SHTN1: variants seen among roughly 807,000 people sequenced by gnomAD.
SHTN1 encodes shootin 1.
A neutral mutation model predicts 83.1 loss-of-function variants in SHTN1; 42 were observed. The observed-to-expected ratio is 0.51, with a 90% CI of 0.39 to 0.65. The LOEUF (loss-of-function observed/expected upper bound fraction) is 0.65. SHTN1 is among the 30% of genes least tolerant of loss of function. The pLI is 0.00. For synonymous variants in SHTN1, 224 were observed against 247.7 expected, an observed-to-expected ratio of 0.90 and a Z score of 0.90; for missense variants, 622 against 737.8, an observed-to-expected ratio of 0.84 and a Z score of 1.82.
intron 1 of SHTN1, among the ~76,000 whole-genome samples, chr10:116,982,039 C>A (rs1448967106): frequency 1.3e-5 from 2 of 152,202 alleles, no homozygotes; most frequent in Non-Finnish European, 1.5e-5. Flanking sequence ...GCCTGGGCAA[C>A]AGAGCAAGAC....
intron 1 of SHTN1, among the ~76,000 whole-genome samples, chr10:116,984,163 T>A (rs879403562): frequency 2.1e-4 from 32 of 152,018 alleles, no homozygotes; most frequent in Non-Finnish European, 1.0e-4. Context: ...GGCTAATCAC[T>A]CTACCTCTAG....
chr10:116,882,445 C>CG lies in SHTN1; in HGVS notation c.*3898_*3899insC, dbSNP rs397809676. On this transcript the variant is annotated 3_prime_UTR_variant, in exon 17 of 17. Transcript: ENST00000355371. ...TGTGACATATCCATTGCCTGAATTG[C>CG]TCTTTTGTAAGCCAGTGTTGGGATT... The CG allele has an allele frequency of 7.9e-3, 1 of 126 alleles. No individual in the cohort carries two copies. Among genetic ancestry groups the CG allele is most frequent in the Non-Finnish European group, 0.013 (1 of 78 alleles). The allele number at this position is 126 out of a possible 1,614,324, so 0.0% of individuals were successfully genotyped here.
chr10:117,077,011 T>C (rs762348473), intron 1 of SHTN1, among the ~76,000 whole-genome samples: 8 of 152,318 alleles, frequency 5.3e-5, no homozygotes, highest in African/African-American at 1.9e-4. Context: ...TTCACTGGTA[T>C]ATTTACATCT....
intron 2 of SHTN1, among the ~76,000 whole-genome samples, chr10:117,045,863 G>C (rs1231996816): frequency 2.6e-5 from 4 of 152,054 alleles, no homozygotes. Context: ...ATATGCTAAG[G>C]GTTCTAATGA....
chr10:116,964,372 C>T (rs912192605), intron 3 of SHTN1, among the ~76,000 whole-genome samples: 4 of 152,206 alleles, frequency 2.6e-5, no homozygotes, highest in Non-Finnish European at 5.9e-5. Context: ...TCACAGAGTT[C>T]TAACTGGTAA....
At chr10:116,983,661 TA>T in intron 1 of SHTN1, among the ~76,000 whole-genome samples, 1 of 85,588 alleles carries the variant, frequency 1.2e-5, no homozygotes, top group African/African-American at 3.5e-5. Context: ...GATAGATAGA[TA>T]GATAGATAGA....
chr10:117,102,065 TAAA>T, intron 1 of SHTN1, among the ~76,000 whole-genome samples: 1 of 136,946 alleles, frequency 7.3e-6, no homozygotes. Context: ...ACTTTGTTCT[TAAA>T]AAAAAAAAAA....
At position 117,104,443 on chromosome 10, in the gene SHTN1, A is replaced by G. The variant is rs1411392673; in HGVS notation, c.-189+21864T>C. ...TATCTAGCTAAAATTGCTTCTCAAC[A>G]TAGCTTTGCTAATAATTGCATTCCA... is the stretch of plus-strand genomic sequence containing the variant. On this transcript the variant is annotated intron_variant, in intron 1 of 17. Coordinates refer to the SHTN1 transcript ENST00000392901. 2.6e-5 allele frequency among the ~76,000 whole-genome samples: 4 copies of G among 152,168 alleles called. No homozygotes were observed. In the East Asian group the frequency reaches 7.7e-4, roughly 29 times the overall value.
chr10:117,041,845 G>C (rs1662522282), intron 2 of SHTN1, among the ~76,000 whole-genome samples: 1 of 152,064 alleles, frequency 6.6e-6, no homozygotes, highest in Non-Finnish European at 1.5e-5. Flanking sequence ...TGAGTTATTT[G>C]TTCGAAATCA....
chr10:117,049,377 AAC>A (rs1318620988), intron 1 of SHTN1, among the ~76,000 whole-genome samples: 3 of 149,912 alleles, frequency 2.0e-5, no homozygotes, highest in Middle Eastern at 3.5e-3. Flanking sequence ...CAACAACAAC[AAC>A]AAAAAAAACA....
intron 1 of SHTN1, among the ~76,000 whole-genome samples, chr10:117,058,867 G>A (rs900307938): frequency 1.3e-5 from 2 of 152,138 alleles, no homozygotes; most frequent in Non-Finnish European, 2.9e-5. Flanking sequence ...GAGGGCATTA[G>A]GCTAAGTGAA....
intron 1 of SHTN1, among the ~76,000 whole-genome samples, chr10:117,061,147 T>C (rs1282457591): frequency 6.6e-6 from 1 of 151,026 alleles, no homozygotes; most frequent in Non-Finnish European, 1.5e-5. Context: ...TTTTTTTTTT[T>C]TTTCTTTTTT....
chr10:117,038,926 C>T (rs571447643), intron 2 of SHTN1, among the ~76,000 whole-genome samples: 48 of 152,316 alleles, frequency 3.2e-4, no homozygotes, highest in African/African-American at 9.9e-4. Flanking sequence ...CTTTGGAAGA[C>T]GGTTTGGTAG....
intron 1 of SHTN1, among the ~76,000 whole-genome samples, chr10:117,053,470 T>C (rs1852777924): frequency 1.3e-5 from 2 of 152,152 alleles, no homozygotes; most frequent in South Asian, 4.1e-4. Flanking sequence ...TAGATGTTTC[T>C]CCAAAGATGA....
chr10:117,086,942 T>C (rs1407671517), intron 1 of SHTN1, among the ~76,000 whole-genome samples: 5 of 152,210 alleles, frequency 3.3e-5, no homozygotes, highest in Admixed American at 6.5e-5. Flanking sequence ...GAAGTTCTTA[T>C]ACACGCTGCA....
intron 13 of SHTN1, among the ~76,000 whole-genome samples, chr10:116,913,731 T>C (rs1848286377): frequency 6.6e-6 from 1 of 152,192 alleles, no homozygotes; most frequent in Non-Finnish European, 1.5e-5. Flanking sequence ...CACTCAGACC[T>C]TGCATTTTAA....
At chr10:116,908,376 A>G (rs1374200157) in intron 14 of SHTN1, among the ~76,000 whole-genome samples, 2 of 152,198 alleles carry the variant, frequency 1.3e-5, no homozygotes, top group Non-Finnish European at 2.9e-5. Flanking sequence ...TTTCTTTAAC[A>G]TTGCTGATAT....
chr10:117,060,718 AC>A (rs1395127463), intron 1 of SHTN1, among the ~76,000 whole-genome samples: 1 of 152,252 alleles, frequency 6.6e-6, no homozygotes, highest in Non-Finnish European at 1.5e-5. Flanking sequence ...TCAAATTTCA[AC>A]CAGATGATAC....
At chr10:116,941,505 T>C (rs1849373083) in intron 8 of SHTN1, among the ~76,000 whole-genome samples, 1 of 152,238 alleles carries the variant, frequency 6.6e-6, no homozygotes, top group African/African-American at 2.4e-5. Context: ...GTATGAAATG[T>C]TTTTGTAAAC....
Sources: allele counts gnomAD v4.1 joint callset (sites outside exome capture counted in the v4.1 genomes callset), GRCh38; gene constraint gnomAD v4.1.1; transcripts MANE v1.5; gene names NCBI Gene and HGNC (gene_info 2026-07-23, HGNC 2026-07-21).